The following PPP2R5E variants were observed in gnomAD, a reference collection of about 807,000 sequenced individuals.
PPP2R5E encodes the protein serine/threonine-protein phosphatase 2A 56 kDa regulatory subunit epsilon isoform.
PPP2R5E carries 4 observed loss-of-function variants against 65.3 expected under a neutral mutation model. That is an observed-to-expected ratio of 0.06 (90% CI 0.03 to 0.14). The LOEUF is 0.14. PPP2R5E is among the 10% of genes least tolerant of loss of function. The pLI is 1.00. For synonymous variants in PPP2R5E, 183 were observed against 187.4 expected (o/e 0.98, Z 0.19); for missense variants, 274 against 556.1 (o/e 0.49, Z 5.10).
chr14:63,537,572 T>C (rs1893717507), intron 2 of PPP2R5E, among the ~76,000 whole-genome samples: 1 of 152,240 alleles, frequency 6.6e-6, no homozygotes, highest in Admixed American at 6.5e-5. Flanking sequence ...ATCTTATTTA[T>C]GAATCTCTCT....
chr14:63,447,076 A>C (rs1311265942), intron 3 of PPP2R5E, among the ~76,000 whole-genome samples: 3 of 152,194 alleles, frequency 2.0e-5, no homozygotes. Flanking sequence ...GGGTAGATTT[A>C]GCATGGTTGT....
At chr14:63,510,713 AGC>A (rs1369207297) in intron 2 of PPP2R5E, among the ~76,000 whole-genome samples, 1 of 152,248 alleles carries the variant, frequency 6.6e-6, no homozygotes, top group African/African-American at 2.4e-5. Context: ...TCAAAGAAAG[AGC>A]CACATCATGT....
chr14:63,385,362 G>A (rs1884600693), intron 11 of PPP2R5E, among the ~76,000 whole-genome samples: 1 of 152,126 alleles, frequency 6.6e-6, no homozygotes, highest in Non-Finnish European at 1.5e-5. Context: ...AGTGGTTCAA[G>A]TGGTTCATCG....
intron 2 of PPP2R5E, chr14:63,508,113 A>T: frequency 1.0e-5 from 10 of 980,642 alleles, no homozygotes; most frequent in Non-Finnish European, 1.2e-5. Context: ...CCCCACACAC[A>T]CTTCTACACA....
intron 1 of PPP2R5E, among the ~76,000 whole-genome samples, chr14:63,542,521 G>C (rs750620780): frequency 6.6e-6 from 1 of 152,164 alleles, no homozygotes; most frequent in Non-Finnish European, 1.5e-5. Context: ...GTGGATAAAG[G>C]GGGGCAAGAA....
chr14:63,411,965 A>T (rs1225299928), intron 5 of PPP2R5E, among the ~76,000 whole-genome samples: 1 of 152,238 alleles, frequency 6.6e-6, no homozygotes, highest in Non-Finnish European at 1.5e-5. Context: ...AATAGTGTGC[A>T]CTGTACCCAA....
chr14:63,476,272 T>C (rs759184717), intron 2 of PPP2R5E, among the ~76,000 whole-genome samples: 2 of 152,132 alleles, frequency 1.3e-5, no homozygotes, highest in African/African-American at 2.4e-5. Context: ...GTTGTTGTTG[T>C]TGTTCTCATG....
At chr14:63,459,196 T>A (rs536328017) in intron 2 of PPP2R5E, among the ~76,000 whole-genome samples, 9 of 152,214 alleles carry the variant, frequency 5.9e-5, no homozygotes, top group Non-Finnish European at 1.3e-4. Flanking sequence ...TTAAGCAGAT[T>A]GAGCCGTGAT....
At chr14:63,431,421 C>T (rs1007010714) in intron 3 of PPP2R5E, among the ~76,000 whole-genome samples, 4 of 152,118 alleles carry the variant, frequency 2.6e-5, no homozygotes, top group Non-Finnish European at 4.4e-5. Flanking sequence ...TATGTAATGT[C>T]ATCAATAATT....
intron 2 of PPP2R5E, among the ~76,000 whole-genome samples, chr14:63,522,990 C>G (rs1235183936): frequency 6.7e-6 from 1 of 149,124 alleles, no homozygotes; most frequent in Admixed American, 6.6e-5. Flanking sequence ...GCCAGCCGCC[C>G]CGTCCGGGAG....
chr14:63,441,465 G>A (rs963675895), intron 3 of PPP2R5E, among the ~76,000 whole-genome samples: 2 of 152,150 alleles, frequency 1.3e-5, no homozygotes, highest in African/African-American at 2.4e-5. Flanking sequence ...GAAATGGGGG[G>A]ACCCCGTTCC....
chr14:63,512,081 A>T lies in PPP2R5E; in HGVS notation c.157+27448T>A, dbSNP rs995148096. Among the ~76,000 whole-genome samples the T allele has an allele frequency of 2.5e-3, 157 of 63,582 alleles. 3 individuals are homozygous for T. The highest frequency in any genetic ancestry group is 0.017 in the African/African-American group (100 of 5,998). 41.7% of individuals were successfully genotyped at this position (63,582 alleles called of 152,430 possible). A position where few individuals can be genotyped will look rare whatever the true frequency, so the allele number is the denominator to read the frequency against. On this transcript the variant is annotated intron_variant, in intron 2 of 13. Transcript: ENST00000337537. ...ACGACAGAGCGAGACTCTGCGGTAA[A>T]AAAAAAAAAAAAAAAAAAAAAAAGA...
chr14:63,396,868 T>G (rs1157338376), intron 5 of PPP2R5E, 152 bp from the exon 6 acceptor site: 1 of 875,318 alleles, frequency 1.1e-6, no homozygotes, highest in Non-Finnish European at 1.7e-6. Flanking sequence ...GGGCATATCA[T>G]GATAAACAAG....
intron 3 of PPP2R5E, among the ~76,000 whole-genome samples, chr14:63,423,997 T>A (rs535990843): frequency 6.8e-6 from 1 of 147,674 alleles, no homozygotes; most frequent in African/African-American, 2.5e-5. Context: ...GATTTTTGCT[T>A]AAAAAAAAAA....
intron 5 of PPP2R5E, among the ~76,000 whole-genome samples, chr14:63,401,418 A>C (rs1885746286): frequency 6.6e-6 from 1 of 152,206 alleles, no homozygotes; most frequent in South Asian, 2.1e-4. Flanking sequence ...GAAGTTAAGA[A>C]GCTGGAGCGT....
intron 2 of PPP2R5E, among the ~76,000 whole-genome samples, chr14:63,488,475 T>C (rs1034136077): frequency 1.3e-5 from 2 of 152,142 alleles, no homozygotes; most frequent in African/African-American, 2.4e-5. Context: ...AGTGCTGAGA[T>C]TGCAGGTGTG....
In PPP2R5E at chr14:63,452,581, C is replaced by T. The variant is rs912651084; in HGVS notation, c.354+1108G>A. The stretch of plus-strand genomic sequence containing the variant: ...GAGCCACACGGTCATCTTTAACCTA[C>T]AAAACATTCTAGTGCTACATTCCTG... On this transcript the variant is annotated intron_variant, in intron 3 of 13. Coordinates refer to ENST00000337537, the MANE Select transcript of PPP2R5E (RefSeq NM_006246.5). 4 of 152,202 alleles carry T rather than the reference C, an allele frequency of 2.6e-5. No homozygotes were observed. In the East Asian group the frequency reaches 7.7e-4, roughly 29 times the overall value. The allele number at this position is 152,202 out of a possible 1,614,324, so 9.4% of individuals were successfully genotyped here. A position where few individuals can be genotyped will look rare whatever the true frequency, so the allele number is the denominator to read the frequency against.
intron 2 of PPP2R5E, among the ~76,000 whole-genome samples, chr14:63,464,637 T>C (rs897079936): frequency 6.6e-6 from 1 of 152,212 alleles, no homozygotes; most frequent in African/African-American, 2.4e-5. Context: ...TGGAATCTGG[T>C]TCTGAATTAG....
chr14:63,375,348 C>G lies in PPP2R5E; in HGVS notation c.*661G>C, dbSNP rs1297052427. On this transcript the variant is annotated 3_prime_UTR_variant, in exon 14 of 14. Transcript: ENST00000337537. ...TTCCCTTCCCTACTATGTTTATCACCTCTTCTCTCTTAACTCCTAATTTTA... is the reference window on the plus strand; with the variant it reads ...TTCCCTTCCCTACTATGTTTATCACGTCTTCTCTCTTAACTCCTAATTTTA... The G allele has an allele frequency of 6.6e-6, 1 of 152,524 alleles. No homozygotes were observed. 9.4% of individuals were successfully genotyped at this position (152,524 alleles called of 1,614,324 possible).
Sources: gnomAD v4.1 joint callset for allele counts (sites outside exome capture counted in the v4.1 genomes callset) on GRCh38, gnomAD v4.1.1 for gene constraint, MANE v1.5 for transcripts, NCBI Gene and HGNC (gene_info 2026-07-23, HGNC 2026-07-21) for gene names.